The following CAMTA1 variants were observed in gnomAD, a reference collection of about 807,000 sequenced individuals.
CAMTA1 encodes calmodulin-binding transcription activator 1.
In CAMTA1, 27 loss-of-function variants were observed where a neutral mutation model predicts 170.9. The observed-to-expected ratio is 0.16, with a 90% CI of 0.12 to 0.22. The LOEUF is 0.22. Ranked by LOEUF, CAMTA1 falls within the 10% of genes least tolerant of loss-of-function variation. CAMTA1 has a pLI of 1.00. For missense variants in CAMTA1, 1,619 were observed against 2,217.2 expected (o/e 0.73, Z 5.42); for synonymous variants, 833 against 891.5 (o/e 0.93, Z 1.17).
At chr1:7,689,410 C>CA (rs1313442140) in intron 11 of CAMTA1, among the ~76,000 whole-genome samples, 1 of 150,048 alleles carries the variant, frequency 6.7e-6, no homozygotes, top group Admixed American at 6.7e-5. Flanking sequence ...CCTGTCTTGA[C>CA]AAAAAATACA....
chr1:7,116,899 G>A (rs569322520), intron 4 of CAMTA1, among the ~76,000 whole-genome samples: 37 of 151,636 alleles, frequency 2.4e-4, no homozygotes, highest in East Asian at 7.8e-4. Flanking sequence ...TGATCCACCC[G>A]CCTCGGCCTC....
chr1:7,760,648 C>T (rs776643557), intron 22 of CAMTA1, among the ~76,000 whole-genome samples: 61 of 152,316 alleles, frequency 4.0e-4, no homozygotes, highest in Non-Finnish European at 8.1e-4. Context: ...AAATTGCAGA[C>T]AACATGCTCT....
intron 5 of CAMTA1, among the ~76,000 whole-genome samples, chr1:7,372,581 C>G (rs2086556989): frequency 6.6e-6 from 1 of 152,218 alleles, no homozygotes; most frequent in South Asian, 2.1e-4. Flanking sequence ...TGCCCGTGAA[C>G]ACGTCTCTGT....
At chr1:7,243,272 GA>G (rs1665213124) in intron 4 of CAMTA1, among the ~76,000 whole-genome samples, 1 of 152,016 alleles carries the variant, frequency 6.6e-6, no homozygotes, top group African/African-American at 2.4e-5. Flanking sequence ...TCTAGATCCA[GA>G]AAAAAAATTA....
rs148115779 is a variant in CAMTA1, at chr1:7,437,948, T to C, written c.439-29882T>C. On this transcript the variant is annotated intron_variant, in intron 5 of 22. Transcript: ENST00000303635. ...CAGAGGACAAACAGGTCAACAAATA[T>C]AAAAAATCATCTCAAGTGGGGATGA... Among the ~76,000 whole-genome samples the C allele has an allele frequency of 3.5e-4, 54 of 152,194 alleles. 1 individual carries two copies. In the East Asian group the frequency reaches 9.3e-3, roughly 26 times the overall value.
intron 3 of CAMTA1, among the ~76,000 whole-genome samples, chr1:6,866,940 G>C (rs986989445): frequency 2.0e-5 from 3 of 152,192 alleles, no homozygotes; most frequent in African/African-American, 7.2e-5. Flanking sequence ...GGCGGCTCCC[G>C]TGTGCTTCTC....
At position 7,663,833 on chromosome 1, in the gene CAMTA1, A is replaced by G. The variant is rs1479738955; in HGVS notation, c.1286A>G (p.Gln429Arg). The change falls in exon 9 of 23, where the codon CAG becomes CGG. Residue 429 changes from glutamine (Q) to arginine (R), a missense_variant. Around this residue, in one of 8 missense-constraint regions of CAMTA1, gnomAD observed 731 missense variants for 907.6 expected, o/e 0.81. Coordinates refer to ENST00000303635, the MANE Select transcript of CAMTA1 (RefSeq NM_015215.4). ...NHHLLSPDAS[Q>R]GLVLAVSSDG... Reference sequence around the variant, plus strand: ...CACCTCCTCTCACCTGACGCCTCTCAGGGCCTCGTCCTGGCCGTGAGCTCT... The same window carrying G: ...CACCTCCTCTCACCTGACGCCTCTCGGGGCCTCGTCCTGGCCGTGAGCTCT... 5 of 1,613,808 alleles carry G rather than the reference A, an allele frequency of 3.1e-6. No homozygotes were observed. In the South Asian group the frequency reaches 5.5e-5, roughly 18 times the overall value.
chr1:7,736,859 T>G lies in CAMTA1; in HGVS notation c.3264-72T>G. 6 of 1,239,380 alleles carry G rather than the reference T, an allele frequency of 4.8e-6. No individual in the cohort carries two copies. The highest frequency in any genetic ancestry group is 4.0e-5 in the Admixed American group (2 of 49,546). The allele number at this position is 1,239,380 out of a possible 1,614,324, so 76.8% of individuals were successfully genotyped here. On this transcript the variant is annotated intron_variant, in intron 13 of 22. Transcript: ENST00000303635. The surrounding 1 kb of genome is among the most constrained non-coding windows in gnomAD (Gnocchi z 4.5). The stretch of plus-strand genomic sequence containing the variant: ...CCAGTTGGGTTTCATCTTGGTGGGG[T>G]TTTATAATATTCTGGTGTTTCCTTT...
chr1:6,902,062 C>T (rs1445813111), intron 3 of CAMTA1, among the ~76,000 whole-genome samples: 2 of 100,534 alleles, frequency 2.0e-5, no homozygotes, highest in Non-Finnish European at 4.4e-5. Flanking sequence ...CACACACACA[C>T]ACACACACAC....
chr1:6,926,587 C>G (rs1186485613), intron 3 of CAMTA1, among the ~76,000 whole-genome samples: 1 of 132,018 alleles, frequency 7.6e-6, no homozygotes, highest in Non-Finnish European at 1.6e-5. Flanking sequence ...TCTCTCTCTC[C>G]CTTTCCTTTC....
intron 3 of CAMTA1, among the ~76,000 whole-genome samples, chr1:7,066,200 G>T (rs1211689709): frequency 6.6e-6 from 1 of 152,192 alleles, no homozygotes; most frequent in East Asian, 1.9e-4. Context: ...CCTTTCTAGT[G>T]GTTCCCTCTT....
At chr1:7,309,698 G>T (rs4908618) in intron 5 of CAMTA1, among the ~76,000 whole-genome samples, 3 of 151,732 alleles carry the variant, frequency 2.0e-5, no homozygotes, top group East Asian at 1.9e-4. Context: ...TACATATTGT[G>T]TTTTTTTACT....
At chr1:6,954,204 G>T (rs1689042720) in intron 3 of CAMTA1, among the ~76,000 whole-genome samples, 1 of 152,202 alleles carries the variant, frequency 6.6e-6, no homozygotes, top group South Asian at 2.1e-4. Flanking sequence ...GCCCTGGCTG[G>T]TCGCCTGATG....
At position 7,463,496 on chromosome 1, in the gene CAMTA1, G is replaced by C. The variant is rs1557757302; in HGVS notation, c.439-4334G>C. On this transcript the variant is annotated intron_variant, in intron 5 of 22. Coordinates refer to ENST00000303635, the MANE Select transcript of CAMTA1 (RefSeq NM_015215.4). The surrounding 1 kb of genome is among the most constrained non-coding windows in gnomAD (Gnocchi z 4.7). ...CAAGACAGCTGCAGAGATGGAGAGA[G>C]AGAGAAAGAAAGAGACTGAGAAAGA... is the stretch of plus-strand genomic sequence containing the variant. Among the ~76,000 whole-genome samples, 1 of 151,718 alleles carries C rather than the reference G, an allele frequency of 6.6e-6. No homozygotes were observed. Among genetic ancestry groups the C allele is most frequent in the African/African-American group, 2.4e-5 (1 of 41,248 alleles).
chr1:7,033,314 C>A (rs747230439), intron 3 of CAMTA1, among the ~76,000 whole-genome samples: 23 of 152,110 alleles, frequency 1.5e-4, no homozygotes, highest in Non-Finnish European at 2.9e-4. Context: ...GTGTTTTTCA[C>A]CTCAGACTGC....
At chr1:7,662,319 G>C (rs1305527866) in intron 8 of CAMTA1, among the ~76,000 whole-genome samples, 1 of 152,192 alleles carries the variant, frequency 6.6e-6, no homozygotes, top group Non-Finnish European at 1.5e-5. Context: ...GAAGCGTCCC[G>C]CGCTCTCCTT....
intron 5 of CAMTA1, among the ~76,000 whole-genome samples, chr1:7,339,540 C>T (rs2083639368): frequency 6.6e-6 from 1 of 152,122 alleles, no homozygotes; most frequent in African/African-American, 2.4e-5. Flanking sequence ...TTCCTCTCTT[C>T]TCAAAGCACG....
intron 5 of CAMTA1, among the ~76,000 whole-genome samples, chr1:7,464,844 G>C: frequency 6.6e-6 from 1 of 152,004 alleles, no homozygotes; most frequent in Middle Eastern, 3.2e-3. Context: ...TACCCATGGT[G>C]CAGCCTGGCA....
intron 3 of CAMTA1, among the ~76,000 whole-genome samples, chr1:7,048,525 T>C (rs1705777528): frequency 6.6e-6 from 1 of 152,234 alleles, no homozygotes; most frequent in South Asian, 2.1e-4. Context: ...AGCTGGGCCC[T>C]AATCTCAGCC....
Sources: gnomAD v4.1 joint callset for allele counts (sites outside exome capture counted in the v4.1 genomes callset) on GRCh38, gnomAD v4.1.1 for gene constraint, gnomAD v4.1.1 regional missense constraint, Gnocchi (gnomAD v3.1) non-coding constraint, MANE v1.5 for transcripts, NCBI Gene and HGNC (gene_info 2026-07-23, HGNC 2026-07-21) for gene names.